B4GALNT4: variants seen among roughly 807,000 people sequenced by gnomAD.
B4GALNT4 encodes beta-1,4-N-acetyl-galactosaminyltransferase 4.
In B4GALNT4, 77 loss-of-function variants were observed where a neutral mutation model predicts 110.0. The ratio of observed to expected loss-of-function variants is 0.70; its 90% CI spans 0.58 to 0.85. The LOEUF (loss-of-function observed/expected upper bound fraction) is 0.85. Among genes scored for constraint, B4GALNT4 ranks in the 40% least tolerant of loss-of-function variants. The probability of loss-of-function intolerance (pLI) is 0.00; values close to 1 mark genes in which losing one functional copy is unlikely to be tolerated. For synonymous variants in B4GALNT4, 785 were observed against 655.5 expected (o/e 1.20, Z -3.02); for missense variants, 1,575 against 1,506.0 (o/e 1.05, Z -0.76).
In B4GALNT4 at chr11:375,690, C is replaced by G; in HGVS notation, c.902C>G (p.Ala301Gly). 6.3e-7 allele frequency: 1 copy of G among 1,594,100 alleles called. No homozygotes were observed. ...GTGGCGCACGTCCCCCAGTCTCCAG[C>G]CAGCCACGTGGGGGGGCGTCCGCCG... ...DHVAHVPQSPASHVGGRPPQE... is the reference protein window; with the variant it reads ...DHVAHVPQSPGSHVGGRPPQE... Residue 301 changes from alanine to glycine, a missense_variant, in exon 10 of 20, where the codon GCC becomes GGC. Transcript: ENST00000329962.
chr11:379,102 G>A (rs1336657373), intron 14 of B4GALNT4, among the ~76,000 whole-genome samples: 1 of 152,224 alleles, frequency 6.6e-6, no homozygotes, highest in East Asian at 1.9e-4. Flanking sequence ...GAAGGTTTCT[G>A]AGCAAGGGGG....
In B4GALNT4 at chr11:374,316, G is replaced by C. The variant is rs1465900921; in HGVS notation, c.783+488G>C. ...GGGAAGGATTTTTACTGTGGCCTTT[G>C]GTCCTCAAACCCAGGGAGGTGGCTG... On this transcript the variant is annotated intron_variant, in intron 8 of 19. Coordinates refer to ENST00000329962, the MANE Select transcript of B4GALNT4 (RefSeq NM_178537.5). 2.6e-5 allele frequency among the ~76,000 whole-genome samples: 4 copies of C among 152,026 alleles called. No homozygotes were observed. In the East Asian group the frequency reaches 7.8e-4, roughly 30 times the overall value.
intron 19 of B4GALNT4, 79 bp downstream of exon 19, chr11:381,030 G>A: frequency 6.5e-7 from 1 of 1,532,868 alleles, no homozygotes; most frequent in Non-Finnish European, 8.8e-7. Flanking sequence ...GGGGATTTAT[G>A]CCCCCCACGG....
At chr11:377,697 G>T (rs944673432) in intron 14 of B4GALNT4, among the ~76,000 whole-genome samples, 13 of 152,364 alleles carry the variant, frequency 8.5e-5, no homozygotes, top group African/African-American at 2.6e-4. Context: ...CATTCCGGGG[G>T]GGCCAGGCAG....
rs937480608 is a variant in B4GALNT4 at position 376,479 on chromosome 11, G to C, written c.1356G>C (p.Ala452=). The C allele has an allele frequency of 6.3e-7, 1 of 1,589,334 alleles. No individual in the cohort carries two copies. Among genetic ancestry groups the C allele is most frequent in the Non-Finnish European group, 8.5e-7 (1 of 1,175,942 alleles). The stretch of plus-strand genomic sequence containing the variant: ...TCGACAGCCTGGAGCCCACCGAGGC[G>C]GCCCCGCCCAGGAGCGGCCCCCAGT... ...ELLDSLEPTE[A]APPRSGPQSP... Residue 452 remains alanine, a synonymous_variant, in exon 14 of 20, where the codon GCG becomes GCC. Transcript: ENST00000329962.
Position 377,059 on chromosome 11 carries a change from G to A in B4GALNT4, c.1936G>A (p.Glu646Lys). Residue 646 changes from glutamate (E) to lysine (K), a missense_variant, in exon 14 of 20, where the codon GAG (glutamate) becomes AAG (lysine). Transcript: ENST00000329962. ...GPQLPGEGEE[E>K]EEGEDDGAPG... ...GCAGCTGCCCGGGGAGGGCGAAGAG[G>A]AGGAGGAAGGGGAGGACGATGGGGC... The A allele has an allele frequency of 6.9e-7, 1 of 1,442,004 alleles. No homozygotes were observed. The highest frequency in any genetic ancestry group is 2.7e-5 in the East Asian group (1 of 36,716). The allele number at this position is 1,442,004 out of a possible 1,614,324, so 89.3% of individuals were successfully genotyped here.
At chr11:373,162 AC>A (rs1465101145) in intron 5 of B4GALNT4, 28 bp from the exon 6 acceptor site, 10 of 1,611,328 alleles carry the variant, frequency 6.2e-6, no homozygotes, top group Non-Finnish European at 8.5e-6. Flanking sequence ...GTGAGGCTCC[AC>A]CCCCCTGAGC....
In B4GALNT4 at chr11:373,796, G is replaced by T; in HGVS notation, c.751G>T (p.Asp251Tyr). ...CTACTTTGAGTTGCTGCACAAGCAG[G>T]ACGACCGCGGCTCGGACCACGTGGA... ...RYYFELLHKQ[D>Y]DRGSDHVEVG... is the part of the protein sequence containing the mutation. Residue 251 changes from aspartate (D) to tyrosine (Y), a missense_variant, in exon 8 of 20, where the codon GAC becomes TAC. Coordinates refer to ENST00000329962, the MANE Select transcript of B4GALNT4 (RefSeq NM_178537.5). 4 of 1,612,318 alleles carry T rather than the reference G, an allele frequency of 2.5e-6. No homozygotes were observed. Among genetic ancestry groups the T allele is most frequent in the Non-Finnish European group, 3.4e-6 (4 of 1,179,862 alleles).
At chr11:379,794 T>G in intron 15 of B4GALNT4, 72 bp from the exon 16 acceptor site, 1 of 1,517,574 alleles carries the variant, frequency 6.6e-7, no homozygotes, top group South Asian at 1.3e-5. Context: ...CGGGATGAAG[T>G]TCTTCGGAGC....
At position 379,841 on chromosome 11, in the gene B4GALNT4, G is replaced by GCGC. The variant is rs1554915760; in HGVS notation, c.2489-24_2489-23insGCC. 19 of 1,561,604 alleles carry GCGC rather than the reference G, an allele frequency of 1.2e-5. No homozygotes were observed. The Admixed American group carries it at 2.6e-4, about 21-fold the overall frequency. ...ACCGTAGAGTCAGCGTCGGCTCAGCGCCCCCCCCGCCTTTTCTCCTCCAGT... is the reference window on the plus strand; with the variant it reads ...ACCGTAGAGTCAGCGTCGGCTCAGCGCGCCCCCCCCCGCCTTTTCTCCTCCAGT... On this transcript the variant is annotated intron_variant, in intron 15 of 19. Transcript: ENST00000329962.
At chr11:373,572 C>T (rs1024969519) in intron 7 of B4GALNT4, 56 bp downstream of exon 7, 124 of 1,575,850 alleles carry the variant, frequency 7.9e-5, no homozygotes, top group Non-Finnish European at 9.2e-5. Flanking sequence ...GAGGGGGTTA[C>T]GCGCTGTCTC....
rs1375496624 is a variant in B4GALNT4, at chr11:376,804, C to T, written c.1681C>T (p.Pro561Ser). The T allele has an allele frequency of 7.3e-7, 1 of 1,377,874 alleles. No homozygotes were observed. Among genetic ancestry groups the T allele is most frequent in the Non-Finnish European group, 9.4e-7 (1 of 1,065,424 alleles). The allele number at this position is 1,377,874 out of a possible 1,614,324, so 85.4% of individuals were successfully genotyped here. A position where few individuals can be genotyped will look rare whatever the true frequency, so the allele number is the denominator to read the frequency against. Residue 561 changes from proline (P) to serine (S), a missense_variant, in exon 14 of 20, where the codon CCC (proline) becomes TCC (serine). Coordinates refer to ENST00000329962, the MANE Select transcript of B4GALNT4 (RefSeq NM_178537.5). ...PGVFLHPRPLPRVQLRAPPRP... is the reference protein window; with the variant it reads ...PGVFLHPRPLSRVQLRAPPRP... Reference sequence around the variant, plus strand: ...CGTCTTCCTGCACCCCAGGCCTCTGCCCAGAGTGCAGCTGCGGGCGCCCCC... The same window carrying T: ...CGTCTTCCTGCACCCCAGGCCTCTGTCCAGAGTGCAGCTGCGGGCGCCCCC...
In B4GALNT4 at chr11:377,326, G is replaced by A; in HGVS notation, c.2203G>A (p.Gly735Arg). Residue 735 changes from glycine (G) to arginine (R), a missense_variant and splice_region_variant, in exon 14 of 20, where the codon GGG becomes AGG. By Grantham distance (125) the Gly-to-Arg change is moderately radical. Transcript: ENST00000329962. ...GGAGCGGCTGAACGCGCGCCACGGC[G>A]GGTATGGGGGCGGCCGAACGCGCGC... ...YMERLNARHG[G>R]RFALLRIVNV... 2 of 1,525,274 alleles carry A rather than the reference G, an allele frequency of 1.3e-6. No individual in the cohort carries two copies. Among genetic ancestry groups the A allele is most frequent in the African/African-American group, 1.4e-5 (1 of 71,364 alleles). 94.5% of individuals were successfully genotyped at this position (1,525,274 alleles called of 1,614,324 possible). A position where few individuals can be genotyped will look rare whatever the true frequency, so the allele number is the denominator to read the frequency against.
rs1846763835 is a variant in B4GALNT4, at chr11:376,727, G to A, written c.1604G>A (p.Arg535Gln). 6 of 1,403,870 alleles carry A rather than the reference G, an allele frequency of 4.3e-6. No individual in the cohort carries two copies. The highest frequency in any genetic ancestry group is 5.5e-6 in the Non-Finnish European group (6 of 1,084,918). 87.0% of individuals were successfully genotyped at this position (1,403,870 alleles called of 1,614,324 possible). Residue 535 changes from arginine (R) to glutamine (Q), a missense_variant, in exon 14 of 20, where the codon CGG (arginine) becomes CAG (glutamine). Transcript: ENST00000329962. Reference protein sequence around the residue: ...VYVTRVRPGQRASPRAPAPRA... With the variant: ...VYVTRVRPGQQASPRAPAPRA... Reference sequence around the variant, plus strand: ...GTGACCAGGGTGCGGCCGGGACAGCGGGCATCCCCCCGGGCCCCAGCGCCG... The same window carrying A: ...GTGACCAGGGTGCGGCCGGGACAGCAGGCATCCCCCCGGGCCCCAGCGCCG...
chr11:376,712 T>C lies in B4GALNT4; in HGVS notation c.1589T>C (p.Val530Ala). 2 of 1,411,676 alleles carry C rather than the reference T, an allele frequency of 1.4e-6. No individual in the cohort carries two copies. The highest frequency in any genetic ancestry group is 1.5e-5 in the African/African-American group (1 of 65,842). 87.4% of individuals were successfully genotyped at this position (1,411,676 alleles called of 1,614,324 possible). A position where few individuals can be genotyped will look rare whatever the true frequency, so the allele number is the denominator to read the frequency against. The change falls in exon 14 of 20, where the codon GTG (valine) becomes GCG (alanine). Residue 530 changes from valine (V) to alanine (A), a missense_variant. Physicochemically the swap from Val to Ala is moderately conservative, Grantham distance 64. Coordinates refer to ENST00000329962, the MANE Select transcript of B4GALNT4 (RefSeq NM_178537.5). ...QPPPKVYVTR[V>A]RPGQRASPRA... ...CCCCCAAAGGTGTACGTGACCAGGGTGCGGCCGGGACAGCGGGCATCCCCC... is the reference window on the plus strand; with the variant it reads ...CCCCCAAAGGTGTACGTGACCAGGGCGCGGCCGGGACAGCGGGCATCCCCC...
At chr11:373,672 G>A in intron 7 of B4GALNT4, 78 bp from the exon 8 acceptor site, 16 of 1,554,082 alleles carry the variant, frequency 1.0e-5, no homozygotes, top group Non-Finnish European at 1.3e-5. Context: ...AGGGGTGTGG[G>A]AGCCACCTGC....
intron 18 of B4GALNT4, 131 bp from the exon 19 acceptor site, chr11:380,694 C>A: frequency 6.9e-7 from 1 of 1,454,082 alleles, no homozygotes; most frequent in Non-Finnish European, 9.6e-7. Context: ...TACCACCGGA[C>A]GACTCCCGGA....
chr11:370,689 G>A (rs572539801), intron 1 of B4GALNT4, among the ~76,000 whole-genome samples: 56 of 152,298 alleles, frequency 3.7e-4, no homozygotes, highest in African/African-American at 1.3e-3. Context: ...GGTTGGGGGA[G>A]AAGGTGGGGC....
chr11:370,126 G>T (rs2119629904), intron 1 of B4GALNT4, among the ~76,000 whole-genome samples, 172 bp downstream of exon 1: 1 of 150,324 alleles, frequency 6.7e-6, no homozygotes, highest in Admixed American at 6.6e-5. Context: ...CGGAGACCCC[G>T]CCCGCTGTTC....
Sources: allele counts gnomAD v4.1 joint callset (sites outside exome capture counted in the v4.1 genomes callset), GRCh38; gene constraint gnomAD v4.1.1; transcripts MANE v1.5; gene names NCBI Gene and HGNC (gene_info 2026-07-23, HGNC 2026-07-21).